Variants in PIK3AP1 observed in about 807,000 individuals in gnomAD.
PIK3AP1 encodes the protein phosphoinositide 3-kinase adapter protein 1.
A neutral mutation model predicts 88.1 loss-of-function variants in PIK3AP1; 21 were observed. That is an observed-to-expected ratio of 0.24 (90% confidence interval 0.17 to 0.34). The LOEUF (loss-of-function observed/expected upper bound fraction) is 0.34. Among genes scored for constraint, PIK3AP1 ranks in the 10% least tolerant of loss-of-function variants. The probability of loss-of-function intolerance (pLI) is 1.00; values close to 1 mark genes in which losing one functional copy is unlikely to be tolerated. For missense variants in PIK3AP1, 828 were observed against 1,035.7 expected, an observed-to-expected ratio of 0.80 and a Z score of 2.75; for synonymous variants, 398 against 400.0, an observed-to-expected ratio of 1.00 and a Z score of 0.06.
chr10:96,654,866 C>A (rs191263658), intron 3 of PIK3AP1, among the ~76,000 whole-genome samples: 20 of 152,264 alleles, frequency 1.3e-4, no homozygotes, highest in Admixed American at 3.3e-4. Context: ...TCCACAAAGG[C>A]ATGGCCAGTA....
rs1295373588 is a variant in PIK3AP1 at position 96,720,273 on chromosome 10, C to A, written c.13+109G>T. The A allele has an allele frequency of 4.6e-6, 5 of 1,084,104 alleles. No individual in the cohort carries two copies. Among genetic ancestry groups the A allele is most frequent in the Non-Finnish European group, 4.7e-6 (4 of 847,492 alleles). The allele number at this position is 1,084,104 out of a possible 1,614,324, so 67.2% of individuals were successfully genotyped here. A position where few individuals can be genotyped will look rare whatever the true frequency, so the allele number is the denominator to read the frequency against. ...GAAAAGAGCAGAAAGAGGGCAAGAT[C>A]CCCGCACAGAGGACGCAAACAGAAG... On this transcript the variant is annotated intron_variant, in intron 1 of 16. Coordinates refer to ENST00000339364, the MANE Select transcript of PIK3AP1 (RefSeq NM_152309.3). The surrounding 1 kb of genome is among the most constrained non-coding windows in gnomAD (Gnocchi z 4.6).
chr10:96,635,351 T>C (rs1843298665), intron 8 of PIK3AP1, among the ~76,000 whole-genome samples: 1 of 152,196 alleles, frequency 6.6e-6, no homozygotes, highest in African/African-American at 2.4e-5. Flanking sequence ...CTTGTTCTGA[T>C]ATAGACATTA....
At chr10:96,600,003 G>A (rs567081423) in intron 16 of PIK3AP1, among the ~76,000 whole-genome samples, 45 of 151,926 alleles carry the variant, frequency 3.0e-4, no homozygotes, top group Admixed American at 5.2e-4. Context: ...AAATCCCACC[G>A]AAACCTTGTA....
chr10:96,682,279 A>AT lies in PIK3AP1; in HGVS notation c.431-25346dup, dbSNP rs940177162. Among the ~76,000 whole-genome samples the AT allele has an allele frequency of 5.6e-3, 835 of 150,282 alleles. 7 individuals carry two copies. Among genetic ancestry groups the AT allele is most frequent in the African/African-American group, 0.019 (786 of 40,966 alleles). On this transcript the variant is annotated intron_variant, in intron 2 of 16. Coordinates refer to ENST00000339364, the MANE Select transcript of PIK3AP1 (RefSeq NM_152309.3). Reference sequence around the variant, plus strand: ...ACTTGATGTTATTACTCCTCTGCTGATTTTTTTTTTCCTTTCCTTCTTGCT... The same window carrying AT: ...ACTTGATGTTATTACTCCTCTGCTGATTTTTTTTTTTCCTTTCCTTCTTGCT...
Position 96,678,139 on chromosome 10 carries a change from A to T in PIK3AP1, c.431-21205T>A, listed in dbSNP as rs562201625. 9.9e-5 allele frequency among the ~76,000 whole-genome samples: 15 copies of T among 151,240 alleles called. No individual in the cohort carries two copies. The East Asian group carries it at 2.1e-3, about 22-fold the overall frequency. ...CCACCACATCCAGCTAATTTAAATT[A>T]AAAAAAATTGTAGGCTGGGCACAGT... On this transcript the variant is annotated intron_variant, in intron 2 of 16. Transcript: ENST00000339364.
At chr10:96,676,914 G>A (rs547605469) in intron 2 of PIK3AP1, among the ~76,000 whole-genome samples, 84 of 152,152 alleles carry the variant, frequency 5.5e-4, no homozygotes, top group African/African-American at 1.9e-3. Flanking sequence ...ACTCAAGGAC[G>A]GACTGAACCC....
At chr10:96,625,844 G>A (rs756864330) in intron 10 of PIK3AP1, among the ~76,000 whole-genome samples, 1 of 152,242 alleles carries the variant, frequency 6.6e-6, no homozygotes, top group East Asian at 1.9e-4. Flanking sequence ...CACCTCCCAG[G>A]CTCAAGCAAT....
intron 2 of PIK3AP1, among the ~76,000 whole-genome samples, chr10:96,688,780 T>C (rs929943626): frequency 3.3e-5 from 5 of 150,534 alleles, no homozygotes; most frequent in African/African-American, 1.2e-4. Context: ...GCCTGGGTGA[T>C]AGAGCAAGAC....
intron 6 of PIK3AP1, among the ~76,000 whole-genome samples, chr10:96,650,461 G>A (rs1367818972): frequency 6.6e-6 from 1 of 152,198 alleles, no homozygotes. Flanking sequence ...TGCACAAGAG[G>A]CTGCTCCTCC....
rs1006346917 is a variant in PIK3AP1, at chr10:96,632,794, A to G, written c.1376-4301T>C. The stretch of plus-strand genomic sequence containing the variant: ...TTAGGATCGCAATGCATAGGTTCCA[A>G]TTGTGTTTTTCCCACTTCTGGCTGT... On this transcript the variant is annotated intron_variant, in intron 8 of 16. Transcript: ENST00000339364. The G allele has an allele frequency of 7.9e-5, 118 of 1,490,886 alleles. 1 individual carries two copies. The highest frequency in any genetic ancestry group is 3.6e-4 in the Middle Eastern group (2 of 5,632). 92.4% of individuals were successfully genotyped at this position (1,490,886 alleles called of 1,614,324 possible). A position where few individuals can be genotyped will look rare whatever the true frequency, so the allele number is the denominator to read the frequency against.
intron 2 of PIK3AP1, among the ~76,000 whole-genome samples, chr10:96,702,293 C>A (rs557805994): frequency 6.6e-6 from 1 of 152,024 alleles, no homozygotes; most frequent in African/African-American, 2.4e-5. Flanking sequence ...GAGGTCAAGA[C>A]ATCGAGACCA....
In PIK3AP1 at chr10:96,639,449, G is replaced by A. The variant is rs1470322420; in HGVS notation, c.1375+6024C>T. 2.0e-5 allele frequency among the ~76,000 whole-genome samples: 3 copies of A among 152,194 alleles called. No individual in the cohort carries two copies. The East Asian group carries it at 5.8e-4, about 29-fold the overall frequency. On this transcript the variant is annotated intron_variant, in intron 8 of 16. Transcript: ENST00000339364. ...GGGGATGTGTGTGCAGTGTCCCAAG[G>A]TAAGCGTGACCTGCAAGCTGTGCAG...
chr10:96,620,531 T>A lies in PIK3AP1; in HGVS notation c.1762A>T (p.Arg588Trp). The change falls in exon 12 of 17, where the codon AGG becomes TGG. Residue 588 changes from arginine (R) to tryptophan (W), a missense_variant. Physicochemically the swap from Arg to Trp is moderately radical, Grantham distance 101. Coordinates refer to ENST00000339364, the MANE Select transcript of PIK3AP1 (RefSeq NM_152309.3). ...KGPPVRPWRD[R>W]PQSSIYDPFA... ...GGGTCATATATACTCGACTGGGGCCTGTCCCTCCATGGTCTGACGGGCGGC... is the reference window on the plus strand; with the variant it reads ...GGGTCATATATACTCGACTGGGGCCAGTCCCTCCATGGTCTGACGGGCGGC... The A allele has an allele frequency of 6.2e-7, 1 of 1,613,098 alleles. No homozygotes were observed.
At chr10:96,658,278 G>A (rs939054344) in intron 2 of PIK3AP1, among the ~76,000 whole-genome samples, 1 of 152,120 alleles carries the variant, frequency 6.6e-6, no homozygotes, top group Non-Finnish European at 1.5e-5. Context: ...GGGTTAGTTT[G>A]GCTGATTCCT....
At chr10:96,641,171 G>A (rs933952164) in intron 8 of PIK3AP1, among the ~76,000 whole-genome samples, 1 of 151,710 alleles carries the variant, frequency 6.6e-6, no homozygotes, top group African/African-American at 2.4e-5. Flanking sequence ...GGGAAGAAGA[G>A]ATTGGAGCAG....
At chr10:96,612,865 CA>C (rs1849136814) in intron 13 of PIK3AP1, among the ~76,000 whole-genome samples, 1 of 148,286 alleles carries the variant, frequency 6.7e-6, no homozygotes, top group South Asian at 2.1e-4. Flanking sequence ...AAATCCTTAT[CA>C]GGGGAGAAAA....
At chr10:96,614,936 C>A (rs1229930356) in intron 13 of PIK3AP1, among the ~76,000 whole-genome samples, 1 of 152,140 alleles carries the variant, frequency 6.6e-6, no homozygotes, top group Non-Finnish European at 1.5e-5. Flanking sequence ...ACCTTGAGAA[C>A]AGAAACCAAA....
intron 1 of PIK3AP1, among the ~76,000 whole-genome samples, chr10:96,713,458 T>C (rs1004535964): frequency 3.5e-5 from 5 of 144,414 alleles, no homozygotes; most frequent in Non-Finnish European, 1.5e-5. Context: ...GAGCCGAGAT[T>C]GCGCCACTGC....
chr10:96,694,713 A>G (rs1844198666), intron 2 of PIK3AP1, among the ~76,000 whole-genome samples: 1 of 151,340 alleles, frequency 6.6e-6, no homozygotes, highest in Non-Finnish European at 1.5e-5. Context: ...ATTTTACTTT[A>G]TTTTTGTAGA....
Sources: allele counts gnomAD v4.1 joint callset (sites outside exome capture counted in the v4.1 genomes callset), GRCh38; gene constraint gnomAD v4.1.1; non-coding constraint Gnocchi (gnomAD v3.1); transcripts MANE v1.5; gene names NCBI Gene and HGNC (gene_info 2026-07-23, HGNC 2026-07-21).